PHACTR4: variants seen among roughly 807,000 people sequenced by gnomAD.
PHACTR4 encodes phosphatase and actin regulator 4, also known as protein phosphatase 1, regulatory subunit 124.
PHACTR4 carries 51 observed loss-of-function variants against 72.7 expected under a neutral mutation model. The observed-to-expected ratio is 0.70, with a 90% CI of 0.56 to 0.89. PHACTR4 has a LOEUF of 0.89. PHACTR4 is among the 40% of genes least tolerant of loss of function. The pLI is 0.00. For missense variants in PHACTR4, 731 were observed against 861.8 expected, an observed-to-expected ratio of 0.85 and a Z score of 1.90; for synonymous variants, 255 against 302.5, an observed-to-expected ratio of 0.84 and a Z score of 1.63.
At chr1:28,395,720 A>G (rs577389034) in intron 1 of PHACTR4, among the ~76,000 whole-genome samples, 2 of 148,532 alleles carry the variant, frequency 1.3e-5, no homozygotes, top group East Asian at 1.9e-4. Flanking sequence ...GCTCACTGCA[A>G]GCTCCACCTT....
chr1:28,373,217 C>T (rs987609583), intron 1 of PHACTR4, among the ~76,000 whole-genome samples: 5 of 152,088 alleles, frequency 3.3e-5, no homozygotes, highest in South Asian at 2.1e-4. Context: ...CCTTAGCCTC[C>T]GAGAGTGCTG....
chr1:28,419,109 G>A (rs1217811424), intron 2 of PHACTR4, among the ~76,000 whole-genome samples: 1 of 149,728 alleles, frequency 6.7e-6, no homozygotes, highest in Non-Finnish European at 1.5e-5. Context: ...ATAGCTAGCT[G>A]TTTTCTGCTT....
intron 1 of PHACTR4, 30 bp downstream of exon 1, chr1:28,369,855 A>C (rs757513129): frequency 2.3e-6 from 1 of 440,734 alleles, no homozygotes; most frequent in Non-Finnish European, 4.5e-6. Flanking sequence ...GAAAGTGAGC[A>C]GGACGCGCTC....
At chr1:28,390,475 C>T (rs989032119) in intron 1 of PHACTR4, among the ~76,000 whole-genome samples, 5 of 152,176 alleles carry the variant, frequency 3.3e-5, no homozygotes, top group African/African-American at 4.8e-5. Context: ...TTTAGTATTA[C>T]AGAATATAAT....
chr1:28,400,241 C>T (rs748651831), intron 1 of PHACTR4, among the ~76,000 whole-genome samples: 1 of 151,940 alleles, frequency 6.6e-6, no homozygotes, highest in Non-Finnish European at 1.5e-5. Flanking sequence ...GGCGTCTTGG[C>T]GCACGCCTGT....
intron 2 of PHACTR4, among the ~76,000 whole-genome samples, chr1:28,440,520 C>T (rs1379323417): frequency 1.3e-5 from 2 of 148,968 alleles, no homozygotes; most frequent in Non-Finnish European, 3.0e-5. Flanking sequence ...CTCAGCCTCC[C>T]GAGTAGCTGA....
At chr1:28,442,063 C>T (rs909448717) in intron 2 of PHACTR4, among the ~76,000 whole-genome samples, 6 of 152,106 alleles carry the variant, frequency 3.9e-5, no homozygotes, top group African/African-American at 1.2e-4. Context: ...TTTTTTTGCT[C>T]ACCAAAATTC....
At chr1:28,407,738 T>C (rs1654460941) in intron 2 of PHACTR4, among the ~76,000 whole-genome samples, 1 of 152,198 alleles carries the variant, frequency 6.6e-6, no homozygotes, top group Non-Finnish European at 1.5e-5. Flanking sequence ...AAAAACAACA[T>C]TGATAAACCC....
At chr1:28,411,298 C>T (rs1163123138) in intron 2 of PHACTR4, among the ~76,000 whole-genome samples, 4 of 152,140 alleles carry the variant, frequency 2.6e-5, no homozygotes, top group East Asian at 3.9e-4. Flanking sequence ...CCACCTGCCT[C>T]GGCCTCCGAA....
intron 2 of PHACTR4, chr1:28,453,462 C>A: frequency 2.8e-6 from 1 of 356,132 alleles, no homozygotes; most frequent in South Asian, 6.3e-5. Flanking sequence ...TGATGCATAC[C>A]ATAGATTGAG....
chr1:28,419,189 G>A (rs1298515916), intron 2 of PHACTR4, among the ~76,000 whole-genome samples: 8 of 149,820 alleles, frequency 5.3e-5, no homozygotes, highest in Non-Finnish European at 1.0e-4. Context: ...TCACCATGTC[G>A]GCCAGGCTGG....
intron 1 of PHACTR4, among the ~76,000 whole-genome samples, chr1:28,378,577 C>CG (rs1023581813): frequency 7.8e-5 from 10 of 127,500 alleles, no homozygotes; most frequent in Non-Finnish European, 1.7e-5. Context: ...CAGCCCCCCC[C>CG]CCCTTTTTTT....
chr1:28,489,872 CCT>C (rs1660924254), intron 10 of PHACTR4: 1 of 518,820 alleles, frequency 1.9e-6, no homozygotes, highest in African/African-American at 1.9e-5. Flanking sequence ...CAATCCATCC[CCT>C]GTTCTCTCAG....
intron 9 of PHACTR4, among the ~76,000 whole-genome samples, chr1:28,488,713 A>G (rs929419933): frequency 5.9e-5 from 9 of 152,124 alleles, no homozygotes; most frequent in African/African-American, 2.2e-4. Context: ...AAATCTATAT[A>G]TAGATATATG....
chr1:28,495,367 C>G (rs1018707763), intron 13 of PHACTR4, among the ~76,000 whole-genome samples: 2 of 151,906 alleles, frequency 1.3e-5, no homozygotes, highest in Non-Finnish European at 2.9e-5. Flanking sequence ...CTTGGCCTCC[C>G]GAAGTGTTGG....
At chr1:28,429,092 A>G (rs949470691) in intron 2 of PHACTR4, among the ~76,000 whole-genome samples, 1 of 152,222 alleles carries the variant, frequency 6.6e-6, no homozygotes, top group Non-Finnish European at 1.5e-5. Context: ...TTTCACATCC[A>G]GTGAGCTAGC....
chr1:28,398,337 G>A lies in PHACTR4; in HGVS notation c.-38-9073G>A, dbSNP rs183133171. Among the ~76,000 whole-genome samples the A allele has an allele frequency of 5.3e-5, 8 of 152,088 alleles. No individual in the cohort carries two copies. The East Asian group carries it at 1.6e-3, about 30-fold the overall frequency. The stretch of plus-strand genomic sequence containing the variant: ...AGTTTGAGACCAGCCTGGCCAGCAT[G>A]GTGAAACCCCGTCTCTACTAAAAAT... On this transcript the variant is annotated intron_variant, in intron 1 of 13. Transcript: ENST00000373839.
At chr1:28,436,668 G>C (rs932027923) in intron 2 of PHACTR4, among the ~76,000 whole-genome samples, 8 of 152,102 alleles carry the variant, frequency 5.3e-5, no homozygotes, top group African/African-American at 1.9e-4. Flanking sequence ...GTTATGTTAA[G>C]GTTGTGTTAT....
At chr1:28,453,774 G>A (rs1658155279) in intron 2 of PHACTR4, 2 of 979,168 alleles carry the variant, frequency 2.0e-6, no homozygotes, top group East Asian at 2.6e-5. Flanking sequence ...AGAGGTTTCA[G>A]CAGTTATCCA....
Sources: gnomAD v4.1 joint callset for allele counts (sites outside exome capture counted in the v4.1 genomes callset) on GRCh38, gnomAD v4.1.1 for gene constraint, MANE v1.5 for transcripts, NCBI Gene and HGNC (gene_info 2026-07-23, HGNC 2026-07-21) for gene names.